Variants in PCDHA11 observed in about 807,000 individuals in gnomAD.
The protein encoded by PCDHA11 is protocadherin alpha-11.
In PCDHA11, 61 loss-of-function variants were observed where a neutral mutation model predicts 70.3. The ratio of observed to expected loss-of-function variants is 0.87; its 90% CI spans 0.71 to 1.07. The LOEUF (loss-of-function observed/expected upper bound fraction) is 1.07, where lower values mean the gene tolerates loss of function less well. Ranked by LOEUF, PCDHA11 falls within the 50% of genes least tolerant of loss-of-function variation. The probability of loss-of-function intolerance (pLI) is 0.00; values close to 1 mark genes in which losing one functional copy is unlikely to be tolerated. For missense variants in PCDHA11, 1,324 were observed against 1,237.5 expected, an observed-to-expected ratio of 1.07 and a Z score of -1.05; for synonymous variants, 633 against 555.1, an observed-to-expected ratio of 1.14 and a Z score of -1.97.
At chr5:140,958,587 A>G (rs530889375) in intron 1 of PCDHA11, among the ~76,000 whole-genome samples, 36 of 152,292 alleles carry the variant, frequency 2.4e-4, no homozygotes, top group African/African-American at 8.2e-4. Context: ...AAATGAGCTT[A>G]TGATAATTGG....
intron 1 of PCDHA11, among the ~76,000 whole-genome samples, chr5:140,934,086 G>C (rs540895208): frequency 1.3e-5 from 2 of 151,872 alleles, no homozygotes; most frequent in Admixed American, 1.3e-4. Context: ...TCGCTTTGTT[G>C]TATGTTTGCT....
chr5:140,898,462 CTTGT>C (rs2066755516), intron 1 of PCDHA11, among the ~76,000 whole-genome samples: 1 of 150,202 alleles, frequency 6.7e-6, no homozygotes, highest in South Asian at 2.1e-4. Flanking sequence ...TTCCCCATTG[CTTGT>C]TTTTCTCAGG....
In PCDHA11 at chr5:140,993,460, TCTCACACA is replaced by T. The variant is rs782648313; in HGVS notation, c.2539+10899_2539+10906del. Among the ~76,000 whole-genome samples, 169 of 104,562 alleles carry T rather than the reference TCTCACACA, an allele frequency of 1.6e-3. 1 individual carries two copies. Among genetic ancestry groups the T allele is most frequent in the East Asian group, 0.012 (43 of 3,448 alleles). 68.6% of individuals were successfully genotyped at this position (104,562 alleles called of 152,430 possible). On this transcript the variant is annotated intron_variant, in intron 3 of 3. Coordinates refer to ENST00000398640, the MANE Select transcript of PCDHA11 (RefSeq NM_018902.5). ...TTCATTCCTGTTCTCCTTCTTTCTT[TCTCACACA>T]CACACACACACACACACACACACAC...
chr5:140,885,936 T>G (rs994325798), intron 1 of PCDHA11, among the ~76,000 whole-genome samples: 5 of 152,198 alleles, frequency 3.3e-5, no homozygotes, highest in Admixed American at 6.5e-5. Context: ...ATCTATTTTT[T>G]GACATTTTTA....
intron 1 of PCDHA11, chr5:140,875,236 C>T: frequency 1.1e-6 from 1 of 889,228 alleles, no homozygotes. Context: ...CTTTCTTGTA[C>T]TTACATAATC....
intron 1 of PCDHA11, among the ~76,000 whole-genome samples, chr5:140,905,079 T>C (rs2071581588): frequency 6.6e-6 from 1 of 152,168 alleles, no homozygotes; most frequent in Admixed American, 6.5e-5. Context: ...AGTTGCACTT[T>C]CTTTTGGGTT....
At chr5:140,982,679 C>A in intron 3 of PCDHA11, 116 bp downstream of exon 3, 2 of 1,436,546 alleles carry the variant, frequency 1.4e-6, no homozygotes, top group Non-Finnish European at 9.2e-7. Flanking sequence ...TTGTTATTCC[C>A]TTTTTTCCAT....
chr5:140,871,435 G>T lies in PCDHA11; in HGVS notation c.2332G>T (p.Gly778Cys). The T allele has an allele frequency of 6.2e-7, 1 of 1,612,454 alleles. No homozygotes were observed. Among genetic ancestry groups the T allele is most frequent in the Non-Finnish European group, 8.5e-7 (1 of 1,179,120 alleles). Residue 778 changes from glycine to cysteine, a missense_variant, in exon 1 of 4, where the codon GGT (glycine) becomes TGT (cysteine). Coordinates refer to ENST00000398640, the MANE Select transcript of PCDHA11 (RefSeq NM_018902.5). Reference sequence around the variant, plus strand: ...GGCCTTCAGCCCCAGTCTTCCTCTAGGTCTGAATAAAGAGGAGGAAGGGGA... The same window carrying T: ...GGCCTTCAGCCCCAGTCTTCCTCTATGTCTGAATAAAGAGGAGGAAGGGGA... Reference protein sequence around the residue: ...LMAFSPSLPLGLNKEEEGERQ... With the variant: ...LMAFSPSLPLCLNKEEEGERQ...
chr5:140,976,378 C>A (rs908008970), intron 1 of PCDHA11, among the ~76,000 whole-genome samples: 2 of 151,926 alleles, frequency 1.3e-5, no homozygotes, highest in Non-Finnish European at 2.9e-5. Flanking sequence ...TGGTGAAACC[C>A]CATCTCTACT....
intron 1 of PCDHA11, among the ~76,000 whole-genome samples, chr5:140,887,550 TACTG>T (rs2061493394): frequency 1.3e-5 from 2 of 152,206 alleles, no homozygotes; most frequent in Non-Finnish European, 2.9e-5. Flanking sequence ...CCCTCATGGT[TACTG>T]TTAAAACTTT....
At chr5:140,968,653 C>T (rs1301566656) in intron 1 of PCDHA11, 1 of 1,614,150 alleles carries the variant, frequency 6.2e-7, no homozygotes, top group Non-Finnish European at 8.5e-7. Flanking sequence ...AGACTTCTGA[C>T]CTGGACCTCT....
intron 1 of PCDHA11, among the ~76,000 whole-genome samples, chr5:140,888,140 G>A (rs2061708866): frequency 1.3e-5 from 2 of 152,080 alleles, no homozygotes; most frequent in Admixed American, 1.3e-4. Context: ...TTTTCTTGCT[G>A]TTTTGCATGA....
rs17119334 is a variant in PCDHA11, at chr5:140,988,093, G to A, written c.2539+5530G>A. On this transcript the variant is annotated intron_variant, in intron 3 of 3. Coordinates refer to ENST00000398640, the MANE Select transcript of PCDHA11 (RefSeq NM_018902.5). ...CTATTTCATGAGTGAGTGCAGCCTCGGGCCTTGTTGGAGAATTTAGAAAGC... is the reference window on the plus strand; with the variant it reads ...CTATTTCATGAGTGAGTGCAGCCTCAGGCCTTGTTGGAGAATTTAGAAAGC... Among the ~76,000 whole-genome samples the A allele has an allele frequency of 6.9e-3, 1,055 of 152,154 alleles. 47 individuals are homozygous for A. The East Asian group carries it at 0.14, about 21-fold the overall frequency.
At chr5:140,899,252 C>T (rs1219703479) in intron 1 of PCDHA11, among the ~76,000 whole-genome samples, 1 of 152,142 alleles carries the variant, frequency 6.6e-6, no homozygotes, top group Non-Finnish European at 1.5e-5. Context: ...TGAGAGAGGG[C>T]ATCCCTGTCT....
intron 1 of PCDHA11, among the ~76,000 whole-genome samples, chr5:140,901,565 G>A (rs1554189898): frequency 6.6e-6 from 1 of 152,062 alleles, no homozygotes; most frequent in African/African-American, 2.4e-5. Context: ...CTATGTGTCT[G>A]TTTTTATGCC....
At chr5:140,956,953 C>T (rs1347983778) in intron 1 of PCDHA11, among the ~76,000 whole-genome samples, 1 of 135,202 alleles carries the variant, frequency 7.4e-6, no homozygotes, top group Non-Finnish European at 1.7e-5. Flanking sequence ...CATTAAAACA[C>T]TGTAATTAAT....
At chr5:140,873,265 T>A (rs2054186823) in intron 1 of PCDHA11, among the ~76,000 whole-genome samples, 1 of 152,228 alleles carries the variant, frequency 6.6e-6, no homozygotes, top group South Asian at 2.1e-4. Context: ...CAAAAGTGAT[T>A]AAACCATCAT....
At chr5:140,907,092 G>C (rs1381969899) in intron 1 of PCDHA11, among the ~76,000 whole-genome samples, 4 of 152,262 alleles carry the variant, frequency 2.6e-5, no homozygotes, top group African/African-American at 9.6e-5. Context: ...GGTAAGTGGT[G>C]CCACTTCCAC....
chr5:140,979,053 T>A (rs1429544807), intron 2 of PCDHA11, 46 bp downstream of exon 2: 3 of 1,610,104 alleles, frequency 1.9e-6, no homozygotes, highest in Admixed American at 3.4e-5. Context: ...CTTAACTTGG[T>A]ATGGCTCAGA....
Sources: gnomAD v4.1 joint callset for allele counts (sites outside exome capture counted in the v4.1 genomes callset) on GRCh38, gnomAD v4.1.1 for gene constraint, MANE v1.5 for transcripts, NCBI Gene and HGNC (gene_info 2026-07-23, HGNC 2026-07-21) for gene names.